DPY19L4: variants seen among roughly 807,000 people sequenced by gnomAD.
The protein encoded by DPY19L4 is dpy-19 like 4.
Under a neutral mutation model 102.8 loss-of-function variants are expected in DPY19L4, and 97 were observed. The observed-to-expected ratio is 0.94, with a 90% CI of 0.80 to 1.12. The LOEUF (loss-of-function observed/expected upper bound fraction) is 1.12. Ranked by LOEUF, DPY19L4 falls within the 50% of genes most tolerant of loss-of-function variation. DPY19L4 has a pLI of 0.00. For synonymous variants in DPY19L4, 252 were observed against 283.1 expected (o/e 0.89, Z 1.10); for missense variants, 815 against 850.4 (o/e 0.96, Z 0.52).
chr8:94,785,075 T>G (rs181142011), intron 17 of DPY19L4, among the ~76,000 whole-genome samples: 2 of 152,362 alleles, frequency 1.3e-5, no homozygotes, highest in African/African-American at 4.8e-5. Flanking sequence ...AGATTAAGAA[T>G]GCAGACTCAG....
intron 13 of DPY19L4, among the ~76,000 whole-genome samples, chr8:94,773,301 T>G (rs575992689): frequency 2.0e-5 from 3 of 152,218 alleles, no homozygotes; most frequent in Non-Finnish European, 4.4e-5. Context: ...AGGAGCATCT[T>G]ATCTTTCTTT....
chr8:94,792,212 C>G lies in DPY19L4; in HGVS notation c.*2302C>G, dbSNP rs1012903617. The G allele has an allele frequency of 6.6e-6, 1 of 151,846 alleles. No homozygotes were observed. The highest frequency in any genetic ancestry group is 1.5e-5 in the Non-Finnish European group (1 of 67,966). 9.4% of individuals were successfully genotyped at this position (151,846 alleles called of 1,614,324 possible). Reference sequence around the variant, plus strand: ...TACTGCAAACCCACTGATACAAGTGCCTTGAATTTATTATTATTATTATTT... The same window carrying G: ...TACTGCAAACCCACTGATACAAGTGGCTTGAATTTATTATTATTATTATTT... On this transcript the variant is annotated 3_prime_UTR_variant, in exon 19 of 19. Coordinates refer to ENST00000414645, the MANE Select transcript of DPY19L4 (RefSeq NM_181787.3).
chr8:94,747,259 C>A (rs1015499189), intron 6 of DPY19L4, among the ~76,000 whole-genome samples: 1 of 152,038 alleles, frequency 6.6e-6, no homozygotes, highest in African/African-American at 2.4e-5. Context: ...CGCCATGCTG[C>A]CCAGGCTGGT....
chr8:94,779,629 G>A (rs1057075046), intron 14 of DPY19L4, among the ~76,000 whole-genome samples: 17 of 151,982 alleles, frequency 1.1e-4, no homozygotes, highest in African/African-American at 2.9e-4. Flanking sequence ...ACCCAGCCAT[G>A]CCCAGGTTTT....
intron 8 of DPY19L4, among the ~76,000 whole-genome samples, chr8:94,764,752 CAG>C (rs1362656737): frequency 1.1e-5 from 1 of 87,710 alleles, no homozygotes; most frequent in African/African-American, 4.8e-5. Flanking sequence ...TGTCCTGAGA[CAG>C]AGTCTTGTGC....
intron 13 of DPY19L4, among the ~76,000 whole-genome samples, chr8:94,775,097 GA>G (rs1563611065): frequency 1.3e-5 from 2 of 151,892 alleles, no homozygotes; most frequent in African/African-American, 4.8e-5. Flanking sequence ...TGCATATTGT[GA>G]AAAAACTATG....
In DPY19L4 at chr8:94,792,873, G is replaced by C. The variant is rs1263769198; in HGVS notation, c.*2963G>C. The C allele has an allele frequency of 6.6e-6, 1 of 152,106 alleles. No homozygotes were observed. Among genetic ancestry groups the C allele is most frequent in the Non-Finnish European group, 1.5e-5 (1 of 68,058 alleles). 9.4% of individuals were successfully genotyped at this position (152,106 alleles called of 1,614,324 possible). On this transcript the variant is annotated 3_prime_UTR_variant, in exon 19 of 19. Coordinates refer to ENST00000414645, the MANE Select transcript of DPY19L4 (RefSeq NM_181787.3). ...CCATCTCAAAAAGAAAAAAAAAGTAGAGATGGGATCTCTAGCCTCCTAAGT... is the reference window on the plus strand; with the variant it reads ...CCATCTCAAAAAGAAAAAAAAAGTACAGATGGGATCTCTAGCCTCCTAAGT...
At chr8:94,761,465 A>T (rs567021092) in intron 7 of DPY19L4, among the ~76,000 whole-genome samples, 1 of 152,294 alleles carries the variant, frequency 6.6e-6, no homozygotes, top group East Asian at 1.9e-4. Context: ...GAAATTCTCA[A>T]TGTGATGTTG....
intron 2 of DPY19L4, among the ~76,000 whole-genome samples, chr8:94,730,853 C>T (rs1810919795): frequency 1.4e-5 from 2 of 145,502 alleles, no homozygotes; most frequent in Non-Finnish European, 1.5e-5. Context: ...TCAAGGGATT[C>T]TCCTGCCTCA....
Position 94,792,445 on chromosome 8 carries a change from G to T in DPY19L4, c.*2535G>T, listed in dbSNP as rs185012763. Reference sequence around the variant, plus strand: ...GTATTTTTAGTAGAAACGGGGTTTCGCCATGTTGGCCAGGCTGGTCTCGAA... The same window carrying T: ...GTATTTTTAGTAGAAACGGGGTTTCTCCATGTTGGCCAGGCTGGTCTCGAA... On this transcript the variant is annotated 3_prime_UTR_variant, in exon 19 of 19. Transcript: ENST00000414645. The T allele has an allele frequency of 0.052, 7,944 of 151,482 alleles. 677 individuals carry two copies. The highest frequency in any genetic ancestry group is 0.18 in the African/African-American group (7,407 of 41,380). 9.4% of individuals were successfully genotyped at this position (151,482 alleles called of 1,614,324 possible).
Position 94,783,704 on chromosome 8 carries a change from A to G in DPY19L4, c.1750A>G (p.Ser584Gly). Residue 584 changes from serine to glycine, a missense_variant, in exon 17 of 19, where the codon AGT (serine) becomes GGT (glycine). By Grantham distance (56) the Ser-to-Gly change is moderately conservative (BLOSUM62 0). Transcript: ENST00000414645. ...TCCAGTTGCAGCTGTGTTTGCAGGGAGTCCACAGTTAATGGGTGCGATTAA... is the reference window on the plus strand; with the variant it reads ...TCCAGTTGCAGCTGTGTTTGCAGGGGGTCCACAGTTAATGGGTGCGATTAA... ...QAPVAAVFAG[S>G]PQLMGAIKLC... The G allele has an allele frequency of 1.9e-6, 3 of 1,614,130 alleles. No homozygotes were observed. Among genetic ancestry groups the G allele is most frequent in the Non-Finnish European group, 2.5e-6 (3 of 1,180,000 alleles).
intron 7 of DPY19L4, among the ~76,000 whole-genome samples, chr8:94,756,456 C>T (rs900864316): frequency 6.6e-6 from 1 of 152,100 alleles, no homozygotes. Flanking sequence ...TATCACTTCT[C>T]GGACTTCTGG....
At chr8:94,786,607 G>A (rs1402828938) in intron 17 of DPY19L4, among the ~76,000 whole-genome samples, 1 of 151,942 alleles carries the variant, frequency 6.6e-6, no homozygotes, top group Non-Finnish European at 1.5e-5. Context: ...GAGTGCAGTG[G>A]CATGATCTCG....
At chr8:94,771,721 G>T (rs1203508444) in intron 13 of DPY19L4, among the ~76,000 whole-genome samples, 1 of 152,218 alleles carries the variant, frequency 6.6e-6, no homozygotes, top group Non-Finnish European at 1.5e-5. Context: ...GGGCAGGAAG[G>T]ATCATGGCAC....
intron 2 of DPY19L4, among the ~76,000 whole-genome samples, chr8:94,731,897 A>G (rs1222455636): frequency 1.3e-5 from 2 of 152,048 alleles, no homozygotes; most frequent in Non-Finnish European, 2.9e-5. Flanking sequence ...CCTCCCGAGT[A>G]GCTGGGACTA....
chr8:94,767,099 G>A (rs1812709476), intron 11 of DPY19L4, among the ~76,000 whole-genome samples: 1 of 150,468 alleles, frequency 6.6e-6, no homozygotes, highest in Non-Finnish European at 1.5e-5. Flanking sequence ...CACTTAGAAT[G>A]TATTTGCCAT....
intron 16 of DPY19L4, among the ~76,000 whole-genome samples, chr8:94,782,458 A>T (rs1468948668): frequency 6.9e-6 from 1 of 145,114 alleles, no homozygotes; most frequent in African/African-American, 2.8e-5. Flanking sequence ...TAATACTAGC[A>T]TTCCCTCCAA....
intron 2 of DPY19L4, among the ~76,000 whole-genome samples, chr8:94,726,990 G>A (rs1382705627): frequency 6.6e-6 from 1 of 152,054 alleles, no homozygotes; most frequent in Admixed American, 6.6e-5. Flanking sequence ...GACAAAATAC[G>A]CTTACTTTTT....
chr8:94,742,001 A>G (rs1195816508), intron 6 of DPY19L4, among the ~76,000 whole-genome samples: 2 of 152,220 alleles, frequency 1.3e-5, no homozygotes, highest in African/African-American at 4.8e-5. Flanking sequence ...CTAAAATTCT[A>G]TTAGGATTTA....
Sources: allele counts gnomAD v4.1 joint callset (sites outside exome capture counted in the v4.1 genomes callset), GRCh38; gene constraint gnomAD v4.1.1; transcripts MANE v1.5; gene names NCBI Gene and HGNC (gene_info 2026-07-23, HGNC 2026-07-21).